The following SIDT2 variants were observed in gnomAD, a reference collection of about 807,000 sequenced individuals.
SIDT2 encodes SID1 transmembrane family, member 2.
In SIDT2, 68 loss-of-function variants were observed where a neutral mutation model predicts 114.4. The ratio of observed to expected loss-of-function variants is 0.59; its 90% CI spans 0.49 to 0.73. SIDT2 has a LOEUF of 0.73. Ranked by LOEUF, SIDT2 falls within the 30% of genes least tolerant of loss-of-function variation. SIDT2 has a pLI of 0.00. For missense variants in SIDT2, 918 were observed against 1,097.1 expected, an observed-to-expected ratio of 0.84 and a Z score of 2.31; for synonymous variants, 470 against 438.4, an observed-to-expected ratio of 1.07 and a Z score of -0.90.
At chr11:117,182,487 A>T (rs2030328322) in intron 4 of SIDT2, 32 bp from the exon 5 acceptor site, 1 of 1,585,864 alleles carries the variant, frequency 6.3e-7, no homozygotes, top group Non-Finnish European at 8.7e-7. Context: ...TCCTCATGAG[A>T]TGGGGCTCTC....
At chr11:117,193,779 G>A in intron 23 of SIDT2, 74 bp from the exon 24 acceptor site, 4 of 1,104,348 alleles carry the variant, frequency 3.6e-6, no homozygotes, top group South Asian at 2.6e-5. Flanking sequence ...GGGAATCTGG[G>A]AAAGGCTGGG....
In SIDT2 at chr11:117,179,455, T is replaced by C. The variant is rs560430077; in HGVS notation, c.183+9T>C. The C allele has an allele frequency of 8.1e-6, 13 of 1,610,166 alleles. No homozygotes were observed. In the Admixed American group the frequency reaches 2.2e-4, roughly 27 times the overall value. On this transcript the variant is annotated intron_variant, in intron 1 of 25. Coordinates refer to ENST00000324225, the MANE Select transcript of SIDT2 (RefSeq NM_001040455.2). ...CTGTGACCCGCAACAGGGTGAGGGC[T>C]GGGGGCTTAGGGGCCAGAGGCGAGT...
chr11:117,186,534 T>G, intron 9 of SIDT2, 50 bp from the exon 10 acceptor site: 2 of 1,503,800 alleles, frequency 1.3e-6, no homozygotes, highest in Non-Finnish European at 1.8e-6. Flanking sequence ...CCATACAGAG[T>G]GATCCTTGTC....
At position 117,182,559 on chromosome 11, in the gene SIDT2, T is replaced by C; in HGVS notation, c.557T>C (p.Ile186Thr). 6.2e-7 allele frequency: 1 copy of C among 1,614,236 alleles called. No homozygotes were observed. Among genetic ancestry groups the C allele is most frequent in the Non-Finnish European group, 8.5e-7 (1 of 1,180,044 alleles). The change falls in exon 5 of 26, where the codon ATT becomes ACT. Residue 186 changes from isoleucine (I) to threonine (T), a missense_variant. Physicochemically the swap from Ile to Thr is moderately conservative, Grantham distance 89. This residue lies in a region of SIDT2 where 553 missense variants were observed against 600.1 expected (regional missense o/e 0.92). Coordinates refer to ENST00000324225, the MANE Select transcript of SIDT2 (RefSeq NM_001040455.2). Reference protein sequence around the residue: ...YEFPEGVDSVIVKVTSNKAFP... With the variant: ...YEFPEGVDSVTVKVTSNKAFP... ...TTCCCTGAAGGCGTGGACTCGGTAA[T>C]TGTCAAGGTGACCTCCAACAAGGCC...
intron 8 of SIDT2, among the ~76,000 whole-genome samples, chr11:117,185,416 G>A (rs1472931753): frequency 6.6e-6 from 1 of 152,170 alleles, no homozygotes; most frequent in Non-Finnish European, 1.5e-5. Flanking sequence ...ATGCCAGGTG[G>A]TATGCTAAGG....
rs533629486 is a variant in SIDT2 at position 117,184,564 on chromosome 11, A to C, written c.868+425A>C. Among the ~76,000 whole-genome samples the C allele has an allele frequency of 7.9e-5, 12 of 152,274 alleles. No individual in the cohort carries two copies. The South Asian group carries it at 2.3e-3, about 29-fold the overall frequency. On this transcript the variant is annotated intron_variant, in intron 8 of 25. Coordinates refer to ENST00000324225, the MANE Select transcript of SIDT2 (RefSeq NM_001040455.2). ...GTTTCCCTGTCTCTATAACAGAGGG[A>C]GTAAAATTTGTCCAGTTAATCTCAC...
In SIDT2 at chr11:117,196,331, G is replaced by A. The variant is rs554032382; in HGVS notation, c.*265G>A. 1 of 529,280 alleles carries A rather than the reference G, an allele frequency of 1.9e-6. No individual in the cohort carries two copies. The highest frequency in any genetic ancestry group is 3.2e-5 in the East Asian group (1 of 30,796). 32.8% of individuals were successfully genotyped at this position (529,280 alleles called of 1,614,324 possible). The stretch of plus-strand genomic sequence containing the variant: ...ATTGCTGCTTTCTTCTCAGTGTTGG[G>A]GCCTTCCATGGGCCCCTGTCCTTTG... On this transcript the variant is annotated 3_prime_UTR_variant, in exon 26 of 26. Transcript: ENST00000324225. The surrounding 1 kb of genome is among the most constrained non-coding windows in gnomAD (Gnocchi z 4.9).
At chr11:117,193,760 A>G in intron 23 of SIDT2, 93 bp from the exon 24 acceptor site, 2 of 881,674 alleles carry the variant, frequency 2.3e-6, no homozygotes, top group Non-Finnish European at 3.7e-6. Context: ...CTGGGAGGCC[A>G]TGAGGAAAGG....
intron 12 of SIDT2, 49 bp downstream of exon 12, chr11:117,187,748 C>T (rs2030553906): frequency 6.3e-7 from 1 of 1,586,464 alleles, no homozygotes; most frequent in Non-Finnish European, 8.7e-7. Flanking sequence ...ACGGTGTTGT[C>T]TGGGTAAAAT....
intron 1 of SIDT2, 174 bp downstream of exon 1, chr11:117,179,620 A>G (rs900045047): frequency 4.6e-5 from 28 of 609,564 alleles, no homozygotes; most frequent in Non-Finnish European, 6.9e-5. Context: ...TTTGCCACCA[A>G]TGTTTCTCTG....
rs139036118 is a variant in SIDT2, at chr11:117,182,113, C to T, written c.516+8C>T. ...ACAGCAGCACAGCCCCAGGTAACAT[C>T]TCCCTGTTGATTGCTCGAGAGGAGA... is the stretch of plus-strand genomic sequence containing the variant. On this transcript the variant is annotated splice_region_variant and intron_variant, in intron 4 of 25. Coordinates refer to ENST00000324225, the MANE Select transcript of SIDT2 (RefSeq NM_001040455.2). 3,116 of 1,613,760 alleles carry T rather than the reference C, an allele frequency of 1.9e-3. 54 individuals carry two copies. The African/African-American group carries it at 0.036, about 19-fold the overall frequency.
chr11:117,194,717 G>A (rs932394713), intron 24 of SIDT2, among the ~76,000 whole-genome samples: 1 of 152,190 alleles, frequency 6.6e-6, no homozygotes, highest in Non-Finnish European at 1.5e-5. Flanking sequence ...GAGGACAGAG[G>A]ACTAACGGGT....
Position 117,196,175 on chromosome 11 carries a change from C to G in SIDT2, c.*109C>G. 6.9e-7 allele frequency: 1 copy of G among 1,446,506 alleles called. No homozygotes were observed. The highest frequency in any genetic ancestry group is 9.5e-7 in the Non-Finnish European group (1 of 1,051,192). 89.6% of individuals were successfully genotyped at this position (1,446,506 alleles called of 1,614,324 possible). A position where few individuals can be genotyped will look rare whatever the true frequency, so the allele number is the denominator to read the frequency against. On this transcript the variant is annotated 3_prime_UTR_variant, in exon 26 of 26. Transcript: ENST00000324225. The surrounding 1 kb of genome is among the most constrained non-coding windows in gnomAD (Gnocchi z 4.9). ...TGAGTCCCAGCACCGCTGCCCAGCACTGGATGGCAGCAGGACAGCCAGGTC... is the reference window on the plus strand; with the variant it reads ...TGAGTCCCAGCACCGCTGCCCAGCAGTGGATGGCAGCAGGACAGCCAGGTC...
In SIDT2 at chr11:117,192,377, G is replaced by T. The variant is rs373192670; in HGVS notation, c.1981+15G>T. 6.5e-7 allele frequency: 1 copy of T among 1,529,604 alleles called. No homozygotes were observed. Among genetic ancestry groups the T allele is most frequent in the Non-Finnish European group, 9.1e-7 (1 of 1,104,530 alleles). 94.8% of individuals were successfully genotyped at this position (1,529,604 alleles called of 1,614,324 possible). A position where few individuals can be genotyped will look rare whatever the true frequency, so the allele number is the denominator to read the frequency against. On this transcript the variant is annotated intron_variant, in intron 20 of 25. Transcript: ENST00000324225. This position sits in a 1 kb window ranked among gnomAD's most constrained non-coding sequence, Gnocchi z 5.9. ...GTGGAAACTGGGTAAGGGCACGCCC[G>T]GGGCAGGGCCTGGGGGAGGGGTCTG...
chr11:117,190,388 C>T lies in SIDT2; in HGVS notation c.1617+99C>T. ...TTTTGGGCAGGCCTGGCCCTGCCTT[C>T]CCCAGCTCTCCCCTCCCCAGTTCTG... On this transcript the variant is annotated intron_variant, in intron 17 of 25. Transcript: ENST00000324225. This position sits in a 1 kb window ranked among gnomAD's most constrained non-coding sequence, Gnocchi z 4.1. 6.8e-7 allele frequency: 1 copy of T among 1,480,942 alleles called. No individual in the cohort carries two copies. Among genetic ancestry groups the T allele is most frequent in the Non-Finnish European group, 9.0e-7 (1 of 1,111,244 alleles). 91.7% of individuals were successfully genotyped at this position (1,480,942 alleles called of 1,614,324 possible).
At position 117,196,117 on chromosome 11, in the gene SIDT2, T is replaced by G; in HGVS notation, c.*51T>G. 6.2e-7 allele frequency: 1 copy of G among 1,611,618 alleles called. No homozygotes were observed. The highest frequency in any genetic ancestry group is 1.1e-5 in the South Asian group (1 of 91,002). On this transcript the variant is annotated 3_prime_UTR_variant, in exon 26 of 26. Transcript: ENST00000324225. The surrounding 1 kb of genome is among the most constrained non-coding windows in gnomAD (Gnocchi z 4.9). ...TCAAGGGGCCCTGAGCTCCTTTGTG[T>G]CATAGACCGGTCACTCTGTCGTGCT... is the stretch of plus-strand genomic sequence containing the variant.
At position 117,182,134 on chromosome 11, in the gene SIDT2, G is replaced by GCTCGAGAA. The variant is rs138604129; in HGVS notation, c.516+29_516+30insCTCGAGAA. ...ACATCTCCCTGTTGATTGCTCGAGAGGAGAAATGGGGGAGCTTGAATATGA... is the reference window on the plus strand; with the variant it reads ...ACATCTCCCTGTTGATTGCTCGAGAGCTCGAGAAGAGAAATGGGGGAGCTTGAATATGA... On this transcript the variant is annotated intron_variant, in intron 4 of 25. Transcript: ENST00000324225. 6.4e-4 allele frequency: 1,037 copies of GCTCGAGAA among 1,612,710 alleles called. 15 individuals are homozygous for GCTCGAGAA. The East Asian group carries it at 0.02, about 30-fold the overall frequency.
At chr11:117,180,134 A>G (rs2030219747) in intron 1 of SIDT2, among the ~76,000 whole-genome samples, 1 of 152,060 alleles carries the variant, frequency 6.6e-6, no homozygotes, top group South Asian at 2.1e-4. Flanking sequence ...AGATTGGGAG[A>G]ATTCTTGCAA....
Position 117,188,886 on chromosome 11 carries a change from C to T in SIDT2, c.1278+60C>T. On this transcript the variant is annotated intron_variant, in intron 13 of 25. Transcript: ENST00000324225. The surrounding 1 kb of genome is among the most constrained non-coding windows in gnomAD (Gnocchi z 4.0). ...CCTGAGAAAGGGACATTCTGCGTTC[C>T]CGCCCCAGCATGTTCCCACTGACGT... 3 of 1,485,448 alleles carry T rather than the reference C, an allele frequency of 2.0e-6. No homozygotes were observed. Among genetic ancestry groups the T allele is most frequent in the Non-Finnish European group, 2.8e-6 (3 of 1,063,040 alleles). 92.0% of individuals were successfully genotyped at this position (1,485,448 alleles called of 1,614,324 possible).
Sources: gnomAD v4.1 joint callset for allele counts (sites outside exome capture counted in the v4.1 genomes callset) on GRCh38, gnomAD v4.1.1 for gene constraint, gnomAD v4.1.1 regional missense constraint, Gnocchi (gnomAD v3.1) non-coding constraint, MANE v1.5 for transcripts, NCBI Gene and HGNC (gene_info 2026-07-23, HGNC 2026-07-21) for gene names.